The following CPA5 variants were observed in gnomAD, a reference collection of about 807,000 sequenced individuals.
CPA5 encodes carboxypeptidase A5, also known as testicular tissue protein Li 32.
Under a neutral mutation model 52.2 loss-of-function variants are expected in CPA5, and 38 were observed. The ratio of observed to expected loss-of-function variants is 0.73; its 90% CI spans 0.56 to 0.95. The LOEUF is 0.95. CPA5 is among the 40% of genes least tolerant of loss of function. The pLI, the probability that CPA5 is intolerant of heterozygous loss-of-function variation, is 0.00. For synonymous variants in CPA5, 198 were observed against 213.7 expected (o/e 0.93, Z 0.64); for missense variants, 519 against 566.7 (o/e 0.92, Z 0.86).
At chr7:130,354,519 G>C (rs576540275) in intron 5 of CPA5, among the ~76,000 whole-genome samples, 1 of 151,638 alleles carries the variant, frequency 6.6e-6, no homozygotes, top group African/African-American at 2.4e-5. Context: ...TCAGCCTCCC[G>C]AGTAGCTTGG....
intron 5 of CPA5, among the ~76,000 whole-genome samples, chr7:130,359,226 A>G (rs1554405936): frequency 3.9e-5 from 6 of 152,196 alleles, no homozygotes; most frequent in Non-Finnish European, 8.8e-5. Flanking sequence ...CTTCAAATCC[A>G]TTATTACATT....
intron 6 of CPA5, 49 bp downstream of exon 6, chr7:130,359,736 T>C: frequency 7.5e-7 from 1 of 1,341,688 alleles, no homozygotes; most frequent in Non-Finnish European, 1.0e-6. Context: ...TTTGGGCCCC[T>C]TAGGGTCTCC....
At chr7:130,351,275 AAT>A (rs1554403895) in intron 5 of CPA5, among the ~76,000 whole-genome samples, 1 of 152,158 alleles carries the variant, frequency 6.6e-6, no homozygotes, top group African/African-American at 2.4e-5. Flanking sequence ...AATAGAACTG[AAT>A]TCTCATTTTT....
At chr7:130,357,952 CTGTGTGTGTGTGTGTG>C (rs60840017) in intron 5 of CPA5, among the ~76,000 whole-genome samples, 2,805 of 140,016 alleles carry the variant, frequency 0.02, 40 homozygotes, top group Non-Finnish European at 0.031. Flanking sequence ...TTTTGTGCCT[CTGTGTGTGTGTGTGTG>C]TGTGTGTGTG....
At chr7:130,359,999 G>A (rs1435538073) in intron 6 of CPA5, among the ~76,000 whole-genome samples, 2 of 152,292 alleles carry the variant, frequency 1.3e-5, no homozygotes, top group East Asian at 3.9e-4. Context: ...AATAGAGCAG[G>A]TAGAAGCTAC....
intron 5 of CPA5, among the ~76,000 whole-genome samples, chr7:130,352,542 C>T (rs922716623): frequency 1.2e-4 from 19 of 152,204 alleles, no homozygotes; most frequent in Non-Finnish European, 2.4e-4. Context: ...GCCCCCACCC[C>T]GATTGGTGAT....
chr7:130,368,870 G>A, downstream of CPA5: 1 of 462,700 alleles, frequency 2.2e-6, no homozygotes, highest in East Asian at 4.0e-5. Flanking sequence ...GGAAAATAAG[G>A]GGGTAGAGGC....
In CPA5 at chr7:130,346,520, G is replaced by A. The variant is rs1794751561; in HGVS notation, c.35G>A (p.Gly12Glu). ...QGTPGGGTRP[G>E]PSPVDRRTLL... is the part of the protein sequence containing the mutation. Reference sequence around the variant, plus strand: ...ACCCCTGGAGGCGGGACGCGCCCTGGGCCATCCCCCGTGGACAGGCGGACA... The same window carrying A: ...ACCCCTGGAGGCGGGACGCGCCCTGAGCCATCCCCCGTGGACAGGCGGACA... The change falls in exon 3 of 13, where the codon GGG becomes GAG. Residue 12 changes from glycine (G) to glutamate (E), a missense_variant. By Grantham distance (98) the Gly-to-Glu change is moderately conservative. Coordinates refer to ENST00000474905, the MANE Select transcript of CPA5 (RefSeq NM_080385.5). 1 of 1,613,778 alleles carries A rather than the reference G, an allele frequency of 6.2e-7. No homozygotes were observed. Among genetic ancestry groups the A allele is most frequent in the African/African-American group, 1.3e-5 (1 of 74,940 alleles).
chr7:130,358,563 CAGCA>C (rs1275109342), intron 5 of CPA5, among the ~76,000 whole-genome samples: 32 of 152,290 alleles, frequency 2.1e-4, no homozygotes, highest in Admixed American at 1.2e-3. Flanking sequence ...AATAAGTTAT[CAGCA>C]AGACTTAGTT....
Position 130,346,528 on chromosome 7 carries a change from C to G in CPA5, c.43C>G (p.Pro15Ala). The G allele has an allele frequency of 1.9e-6, 3 of 1,614,030 alleles. No homozygotes were observed. Among genetic ancestry groups the G allele is most frequent in the Non-Finnish European group, 1.7e-6 (2 of 1,179,970 alleles). Residue 15 changes from proline (P) to alanine (A), a missense_variant, in exon 3 of 13, where the codon CCC (proline) becomes GCC (alanine). By Grantham distance (27) the Pro-to-Ala change is conservative. Transcript: ENST00000474905. ...PGGGTRPGPS[P>A]VDRRTLLVFS... The stretch of plus-strand genomic sequence containing the variant: ...AGGCGGGACGCGCCCTGGGCCATCC[C>G]CCGTGGACAGGCGGACACTCCTGGT...
intron 6 of CPA5, among the ~76,000 whole-genome samples, chr7:130,360,305 C>T (rs1438806994): frequency 6.6e-6 from 1 of 152,246 alleles, no homozygotes; most frequent in South Asian, 2.1e-4. Flanking sequence ...GCCATGGGTG[C>T]TGGGGTATAT....
At chr7:130,348,371 G>A (rs782045164) in intron 4 of CPA5, among the ~76,000 whole-genome samples, 3 of 152,174 alleles carry the variant, frequency 2.0e-5, no homozygotes, top group Non-Finnish European at 2.9e-5. Flanking sequence ...GTTTTGTTAG[G>A]GGGCCATTGG....
At chr7:130,347,315 C>T (rs542505096) in intron 3 of CPA5, among the ~76,000 whole-genome samples, 5 of 152,328 alleles carry the variant, frequency 3.3e-5, no homozygotes, top group South Asian at 2.1e-4. Context: ...TCTCACCTTC[C>T]GGGCGTCGAG....
intron 7 of CPA5, 78 bp from the exon 8 acceptor site, chr7:130,362,360 G>A: frequency 9.8e-7 from 1 of 1,022,612 alleles, no homozygotes; most frequent in Non-Finnish European, 1.5e-6. Context: ...GATGCCTCAG[G>A]GACCTCCTTC....
At chr7:130,367,223 C>A in intron 10 of CPA5, 149 bp from the exon 11 acceptor site, 1 of 657,378 alleles carries the variant, frequency 1.5e-6, no homozygotes, top group Admixed American at 2.4e-5. Context: ...CATTTCTGCT[C>A]ACCTTTCCAT....
At chr7:130,346,343 T>C in intron 2 of CPA5, 50 bp from the exon 3 acceptor site, 1 of 575,652 alleles carries the variant, frequency 1.7e-6, no homozygotes, top group Non-Finnish European at 3.0e-6. Flanking sequence ...AGGCCTGGCA[T>C]GTGGGAGCCA....
intron 10 of CPA5, among the ~76,000 whole-genome samples, chr7:130,364,155 G>A (rs1795949118): frequency 2.0e-5 from 3 of 152,048 alleles, no homozygotes; most frequent in Admixed American, 2.0e-4. Context: ...AGCCTCCCAA[G>A]TAGCCGGGAC....
chr7:130,354,818 C>A (rs782730231), intron 5 of CPA5, among the ~76,000 whole-genome samples: 1 of 152,092 alleles, frequency 6.6e-6, no homozygotes, highest in Non-Finnish European at 1.5e-5. Flanking sequence ...CAGCCTTGAA[C>A]GCCTGGGCTC....
At chr7:130,353,751 A>T (rs1795317306) in intron 5 of CPA5, among the ~76,000 whole-genome samples, 1 of 151,984 alleles carries the variant, frequency 6.6e-6, no homozygotes, top group African/African-American at 2.4e-5. Flanking sequence ...TTGCTTTCTA[A>T]CTGCTCTCCC....
Sources: gnomAD v4.1 joint callset for allele counts (sites outside exome capture counted in the v4.1 genomes callset) on GRCh38, gnomAD v4.1.1 for gene constraint, MANE v1.5 for transcripts, NCBI Gene and HGNC (gene_info 2026-07-23, HGNC 2026-07-21) for gene names.